MAS1: variants seen among roughly 807,000 people sequenced by gnomAD.
MAS1 encodes the protein MAS1 proto-oncogene, G protein-coupled receptor, also known as proto-oncogene Mas.
For missense variants in MAS1, 387 were observed against 409.7 expected (o/e 0.94, Z 0.48); for synonymous variants, 163 against 164.2 (o/e 0.99, Z 0.05).
chr6:159,906,167 TTGTC>T (rs1225407483), intron 2 of MAS1, among the ~76,000 whole-genome samples: 3 of 152,174 alleles, frequency 2.0e-5, no homozygotes, highest in African/African-American at 7.2e-5. Context: ...TTTGAGTGCT[TTGTC>T]TGGCATCTGG....
At chr6:159,903,533 C>T (rs1195930912) in intron 2 of MAS1, among the ~76,000 whole-genome samples, 1 of 152,148 alleles carries the variant, frequency 6.6e-6, no homozygotes, top group Non-Finnish European at 1.5e-5. Flanking sequence ...ATCGTGCCCT[C>T]TCTCCTTAAA....
At position 159,917,145 on chromosome 6, in the gene MAS1, C is replaced by T. The variant is rs139211266; in HGVS notation, c.*9212C>T. ...CACGTCCATTTGACAATCCTGACCT[C>T]GGTGGTGGCAAATCTTCCTTGTTTC... On this transcript the variant is annotated 3_prime_UTR_variant, in exon 3 of 3. Coordinates refer to ENST00000674077, the MANE Select transcript of MAS1 (RefSeq NM_002377.4). Among the ~76,000 whole-genome samples the T allele has an allele frequency of 4.2e-4, 64 of 152,234 alleles. No homozygotes were observed. The highest frequency in any genetic ancestry group is 7.9e-4 in the Non-Finnish European group (54 of 68,022).
Position 159,907,029 on chromosome 6 carries a change from T to A in MAS1, c.74T>A (p.Val25Asp). 1 of 1,613,976 alleles carries A rather than the reference T, an allele frequency of 6.2e-7. No homozygotes were observed. The highest frequency in any genetic ancestry group is 1.3e-5 in the African/African-American group (1 of 75,048). ...ATCTCAACTGGCAGGAACGCCTCAG[T>A]CGGGAATGCACATCGGCAAATCCCC... is the stretch of plus-strand genomic sequence containing the variant. ...TNISTGRNAS[V>D]GNAHRQIPIV... The change falls in exon 3 of 3, where the codon GTC becomes GAC. Residue 25 changes from valine (V) to aspartate (D), a missense_variant. By Grantham distance (152) the Val-to-Asp change is radical (BLOSUM62 -3). Coordinates refer to ENST00000674077, the MANE Select transcript of MAS1 (RefSeq NM_002377.4).
chr6:159,903,648 A>G (rs982695803), intron 2 of MAS1, among the ~76,000 whole-genome samples: 2 of 152,078 alleles, frequency 1.3e-5, no homozygotes, highest in Non-Finnish European at 2.9e-5. Context: ...GCACTCCCAC[A>G]ACCACATCTA....
Position 159,907,014 on chromosome 6 carries a change from G to A in MAS1, c.59G>A (p.Gly20Asp), listed in dbSNP as rs1419166011. ...VVEEPTNIST[G>D]RNASVGNAHR... The stretch of plus-strand genomic sequence containing the variant: ...GAGGAACCCACGAACATCTCAACTG[G>A]CAGGAACGCCTCAGTCGGGAATGCA... The change falls in exon 3 of 3, where the codon GGC (glycine) becomes GAC (aspartate). Residue 20 changes from glycine (G) to aspartate (D), a missense_variant. Physicochemically the swap from Gly to Asp is moderately conservative, Grantham distance 94 (BLOSUM62 -1). Coordinates refer to ENST00000674077, the MANE Select transcript of MAS1 (RefSeq NM_002377.4). 7 of 1,613,318 alleles carry A rather than the reference G, an allele frequency of 4.3e-6. No homozygotes were observed. The highest frequency in any genetic ancestry group is 5.9e-6 in the Non-Finnish European group (7 of 1,179,316).
In MAS1 at chr6:159,908,023, T is replaced by A; in HGVS notation, c.*90T>A. The A allele has an allele frequency of 1.4e-6, 2 of 1,394,406 alleles. No individual in the cohort carries two copies. Among genetic ancestry groups the A allele is most frequent in the Middle Eastern group, 2.1e-4 (1 of 4,876 alleles). 86.4% of individuals were successfully genotyped at this position (1,394,406 alleles called of 1,614,324 possible). The stretch of plus-strand genomic sequence containing the variant: ...ATATGACTTAAGTATCTCCTAAATG[T>A]GATACAGAAGAACATCTCATCCCAT... On this transcript the variant is annotated 3_prime_UTR_variant, in exon 3 of 3. Coordinates refer to ENST00000674077, the MANE Select transcript of MAS1 (RefSeq NM_002377.4).
rs78734786 is a variant in MAS1, at chr6:159,916,418, T to C, written c.*8485T>C. On this transcript the variant is annotated 3_prime_UTR_variant, in exon 3 of 3. Transcript: ENST00000674077. Reference sequence around the variant, plus strand: ...GAGATGAAAATGTTCTGGGGATCTATTGCACAACAATGGACATGTAGCTAA... The same window carrying C: ...GAGATGAAAATGTTCTGGGGATCTACTGCACAACAATGGACATGTAGCTAA... 5.7e-3 allele frequency: 870 copies of C among 152,296 alleles called. 7 individuals carry two copies. Among genetic ancestry groups the C allele is most frequent in the South Asian group, 9.3e-3 (45 of 4,826 alleles). 9.4% of individuals were successfully genotyped at this position (152,296 alleles called of 1,614,324 possible). A position where few individuals can be genotyped will look rare whatever the true frequency, so the allele number is the denominator to read the frequency against.
chr6:159,911,736 C>A lies in MAS1; in HGVS notation c.*3803C>A, dbSNP rs952792972. The stretch of plus-strand genomic sequence containing the variant: ...ACATCTTTCCCTTCCTCACTCTCAG[C>A]AAATGATGGCTGGCTCCCCTTTACA... On this transcript the variant is annotated 3_prime_UTR_variant, in exon 3 of 3. Coordinates refer to ENST00000674077, the MANE Select transcript of MAS1 (RefSeq NM_002377.4). 1 of 152,270 alleles carries A rather than the reference C, an allele frequency of 6.6e-6. No homozygotes were observed. Among genetic ancestry groups the A allele is most frequent in the African/African-American group, 2.4e-5 (1 of 41,410 alleles). 9.4% of individuals were successfully genotyped at this position (152,270 alleles called of 1,614,324 possible).
rs559382914 is a variant in MAS1, at chr6:159,895,091, G to A, written c.-244+3958G>A. On this transcript the variant is annotated intron_variant, in intron 1 of 2. Coordinates refer to ENST00000674077, the MANE Select transcript of MAS1 (RefSeq NM_002377.4). ...GGTTGCTTCTGGCGACATAAAAGCC[G>A]TTAATAAATGTTCCAAAAGTCCTGA... Among the ~76,000 whole-genome samples the A allele has an allele frequency of 1.1e-4, 16 of 152,268 alleles. No homozygotes were observed. The East Asian group carries it at 1.5e-3, about 15-fold the overall frequency.
chr6:159,908,107 G>A lies in MAS1; in HGVS notation c.*174G>A. On this transcript the variant is annotated 3_prime_UTR_variant, in exon 3 of 3. Transcript: ENST00000674077. ...CTCTTGTACTGTATCTTCTGGAAAT[G>A]ACCTGTCATTTCTGTACTTGACAAA... The A allele has an allele frequency of 1.6e-6, 1 of 624,994 alleles. No homozygotes were observed. Among genetic ancestry groups the A allele is most frequent in the Non-Finnish European group, 2.5e-6 (1 of 398,722 alleles). The allele number at this position is 624,994 out of a possible 1,614,324, so 38.7% of individuals were successfully genotyped here.
Position 159,907,913 on chromosome 6 carries a change from A to T in MAS1, c.958A>T (p.Thr320Ser). 6.3e-7 allele frequency: 1 copy of T among 1,599,454 alleles called. No homozygotes were observed. The highest frequency in any genetic ancestry group is 8.5e-7 in the Non-Finnish European group (1 of 1,172,860). ...CCAGAAAGACAATTGTAATACGGTC[A>T]CAGTTGAGACTGTCGTCTAAGAACT... Reference protein sequence around the residue: ...RRQKDNCNTVTVETVV With the variant: ...RRQKDNCNTVSVETVV The change falls in exon 3 of 3, where the codon ACA becomes TCA. Residue 320 changes from threonine (T) to serine (S), a missense_variant. By Grantham distance (58) the Thr-to-Ser change is moderately conservative. Coordinates refer to ENST00000674077, the MANE Select transcript of MAS1 (RefSeq NM_002377.4).
In MAS1 at chr6:159,914,958, C is replaced by G. The variant is rs1216712784; in HGVS notation, c.*7025C>G. 7 of 152,256 alleles carry G rather than the reference C, an allele frequency of 4.6e-5. No homozygotes were observed. The highest frequency in any genetic ancestry group is 2.6e-4 in the Admixed American group (4 of 15,288). 9.4% of individuals were successfully genotyped at this position (152,256 alleles called of 1,614,324 possible). ...AGTCCGAATTGATTGTTTCTCTTAC[C>G]AGTTCTGGCTTCTTTCAATTCTGTG... On this transcript the variant is annotated 3_prime_UTR_variant, in exon 3 of 3. Transcript: ENST00000674077.
rs1286743017 is a variant in MAS1, at chr6:159,910,490, A to C, written c.*2557A>C. 1.3e-5 allele frequency: 2 copies of C among 152,146 alleles called. No homozygotes were observed. Among genetic ancestry groups the C allele is most frequent in the African/African-American group, 4.8e-5 (2 of 41,372 alleles). 9.4% of individuals were successfully genotyped at this position (152,146 alleles called of 1,614,324 possible). ...CCACTGGGGTTTCTCCTCAGCACTC[A>C]TCATGCCATATATCGATTTGCTTAT... On this transcript the variant is annotated 3_prime_UTR_variant, in exon 3 of 3. Transcript: ENST00000674077.
Position 159,908,081 on chromosome 6 carries a change from A to C in MAS1, c.*148A>C. ...AGATACTAATTAATGATGAAATTGA[A>C]CTCTTGTACTGTATCTTCTGGAAAT... is the stretch of plus-strand genomic sequence containing the variant. On this transcript the variant is annotated 3_prime_UTR_variant, in exon 3 of 3. Transcript: ENST00000674077. 7 of 817,712 alleles carry C rather than the reference A, an allele frequency of 8.6e-6. No individual in the cohort carries two copies. The highest frequency in any genetic ancestry group is 5.1e-5 in the South Asian group (2 of 39,252). The allele number at this position is 817,712 out of a possible 1,614,324, so 50.7% of individuals were successfully genotyped here. A position where few individuals can be genotyped will look rare whatever the true frequency, so the allele number is the denominator to read the frequency against.
chr6:159,903,091 A>G (rs1270221877), intron 2 of MAS1, among the ~76,000 whole-genome samples: 1 of 151,356 alleles, frequency 6.6e-6, no homozygotes, highest in African/African-American at 2.4e-5. Flanking sequence ...TCCAGCCCCC[A>G]CCTCCTCCTT....
chr6:159,905,518 A>G (rs1265312153), intron 2 of MAS1, among the ~76,000 whole-genome samples: 1 of 152,160 alleles, frequency 6.6e-6, no homozygotes, highest in African/African-American at 2.4e-5. Flanking sequence ...ACATCGCTGG[A>G]AGGAAACACC....
chr6:159,893,461 G>T (rs1298404997), intron 1 of MAS1, among the ~76,000 whole-genome samples: 3 of 152,170 alleles, frequency 2.0e-5, no homozygotes, highest in Non-Finnish European at 4.4e-5. Flanking sequence ...CTGTGCAGGG[G>T]CAGGGGAAGA....
At chr6:159,903,158 T>C (rs1562311093) in intron 2 of MAS1, among the ~76,000 whole-genome samples, 1 of 152,120 alleles carries the variant, frequency 6.6e-6, no homozygotes, top group Non-Finnish European at 1.5e-5. Flanking sequence ...CGCTGGGACC[T>C]CCGATATGTA....
chr6:159,906,315 C>A (rs1782886692), intron 2 of MAS1, among the ~76,000 whole-genome samples: 1 of 152,110 alleles, frequency 6.6e-6, no homozygotes, highest in African/African-American at 2.4e-5. Flanking sequence ...AGCTTTGTCG[C>A]AGATATTGAA....
Sources: gnomAD v4.1 joint callset for allele counts (sites outside exome capture counted in the v4.1 genomes callset) on GRCh38, gnomAD v4.1.1 for gene constraint, MANE v1.5 for transcripts, NCBI Gene and HGNC (gene_info 2026-07-23, HGNC 2026-07-21) for gene names.